GPATCH1: variants seen among roughly 807,000 people sequenced by gnomAD.
GPATCH1 encodes G patch domain-containing protein 1.
In GPATCH1, 73 loss-of-function variants were observed where a neutral mutation model predicts 114.9. The ratio of observed to expected loss-of-function variants is 0.64; its 90% CI spans 0.53 to 0.77. The LOEUF (loss-of-function observed/expected upper bound fraction) is 0.77, where lower values mean the gene tolerates loss of function less well. GPATCH1 is among the 30% of genes least tolerant of loss of function. The pLI is 0.00. For synonymous variants in GPATCH1, 391 were observed against 428.4 expected (o/e 0.91, Z 1.08); for missense variants, 1,058 against 1,144.3 (o/e 0.92, Z 1.09).
chr19:33,093,333 G>A, intron 3 of GPATCH1, 26 bp from the exon 4 acceptor site: 1 of 1,522,654 alleles, frequency 6.6e-7, no homozygotes, highest in Non-Finnish European at 9.1e-7. Flanking sequence ...TCCAAATAAT[G>A]TAATTCTGTT....
intron 1 of GPATCH1, 28 bp downstream of exon 1, chr19:33,081,294 T>C: frequency 6.5e-7 from 1 of 1,539,162 alleles, no homozygotes; most frequent in Non-Finnish European, 8.8e-7. Context: ...CGGCGGAGCC[T>C]GTGGAAAACA....
At chr19:33,107,292 G>C (rs1307119402) in intron 10 of GPATCH1, among the ~76,000 whole-genome samples, 1 of 152,032 alleles carries the variant, frequency 6.6e-6, no homozygotes, top group Non-Finnish European at 1.5e-5. Context: ...TGTTGCCCAG[G>C]CTGGTCTGGA....
intron 14 of GPATCH1, 121 bp downstream of exon 14, chr19:33,114,024 T>G: frequency 2.0e-5 from 18 of 895,786 alleles, no homozygotes; most frequent in Non-Finnish European, 3.1e-5. Flanking sequence ...CTCCCTCCAT[T>G]GAGGGAATTA....
intron 14 of GPATCH1, 68 bp downstream of exon 14, chr19:33,113,971 A>G: frequency 7.0e-7 from 1 of 1,424,466 alleles, no homozygotes; most frequent in Non-Finnish European, 9.7e-7. Flanking sequence ...GGAAGACAGA[A>G]TTAAAGGGTA....
At chr19:33,113,302 C>T (rs143594289) in intron 13 of GPATCH1, 3,070 of 156,310 alleles carry the variant, frequency 0.02, 87 homozygotes, top group African/African-American at 0.07. Context: ...ATTAGCTGGG[C>T]GTGGTGGTGC....
At chr19:33,091,893 G>T (rs149637548) in intron 3 of GPATCH1, among the ~76,000 whole-genome samples, 81 of 152,302 alleles carry the variant, frequency 5.3e-4, no homozygotes, top group African/African-American at 1.9e-3. Context: ...AAGTCTAGAT[G>T]TGCTGAGACC....
rs529454177 is a variant in GPATCH1, at chr19:33,094,703, A to C, written c.553+434A>C. ...GTTTCCTACCCTCCCCCAAGCTGTC[A>C]CAGTTTAACATTATTACTTGTTCCT... On this transcript the variant is annotated intron_variant, in intron 5 of 19. Coordinates refer to ENST00000170564, the MANE Select transcript of GPATCH1 (RefSeq NM_018025.3). 2.6e-4 allele frequency among the ~76,000 whole-genome samples: 39 copies of C among 152,250 alleles called. No homozygotes were observed. In the East Asian group the frequency reaches 7.3e-3, roughly 29 times the overall value.
Position 33,090,784 on chromosome 19 carries a change from G to GAC in GPATCH1, c.216_217dup (p.Pro73HisfsTer34). ...TCTAAACTCTTTTTTTTTCAGGATG[G>GAC]ACACCCTCTACCTTTGTGTCTTCAC... On this transcript the variant is annotated frameshift_variant, in exon 3 of 20. Coordinates refer to ENST00000170564, the MANE Select transcript of GPATCH1 (RefSeq NM_018025.3). LOFTEE classifies it high-confidence loss of function. 1 of 1,606,282 alleles carries GAC rather than the reference G, an allele frequency of 6.2e-7. No homozygotes were observed. Among genetic ancestry groups the GAC allele is most frequent in the Non-Finnish European group, 8.5e-7 (1 of 1,173,756 alleles).
At chr19:33,129,103 C>G (rs1023473797) in intron 19 of GPATCH1, among the ~76,000 whole-genome samples, 23 of 151,934 alleles carry the variant, frequency 1.5e-4, no homozygotes, top group Non-Finnish European at 2.8e-4. Context: ...AAAAACTAGC[C>G]AGGCGTGGTG....
rs1355214485 is a variant in GPATCH1, at chr19:33,112,520, T to A, written c.1799T>A (p.Met600Lys). Residue 600 changes from methionine to lysine, a missense_variant, in exon 13 of 20, where the codon ATG (methionine) becomes AAG (lysine). Physicochemically the swap from Met to Lys is moderately conservative, Grantham distance 95. Coordinates refer to ENST00000170564, the MANE Select transcript of GPATCH1 (RefSeq NM_018025.3). ...GGGGATAAGCAGTCGGCTGTGAAGA[T>A]GAAGATGTTTGGGAAGCTCACCCGA... The part of the protein sequence containing the change: ...DVGDKQSAVK[M>K]KMFGKLTRDT... The A allele has an allele frequency of 1.2e-6, 2 of 1,614,100 alleles. No individual in the cohort carries two copies. The highest frequency in any genetic ancestry group is 1.7e-5 in the Admixed American group (1 of 60,000).
intron 7 of GPATCH1, 47 bp from the exon 8 acceptor site, chr19:33,097,708 A>T: frequency 6.3e-7 from 1 of 1,575,984 alleles, no homozygotes; most frequent in Non-Finnish European, 8.7e-7. Context: ...AAGATCCCAG[A>T]CATACCCTAA....
At position 33,130,127 on chromosome 19, in the gene GPATCH1, C is replaced by T. The variant is rs1008054462; in HGVS notation, c.2766-3C>T. 1.9e-6 allele frequency: 3 copies of T among 1,609,798 alleles called. No individual in the cohort carries two copies. In the Admixed American group the frequency reaches 5.0e-5, roughly 27 times the overall value. ...TTTCTCTCTTTTCTGTTTTCTTTTC[C>T]AGGCTGAAAAGTCTTCCACTAAGAA... On this transcript the variant is annotated splice_polypyrimidine_tract_variant and splice_region_variant and intron_variant, in intron 19 of 19. Coordinates refer to ENST00000170564, the MANE Select transcript of GPATCH1 (RefSeq NM_018025.3).
intron 19 of GPATCH1, among the ~76,000 whole-genome samples, chr19:33,129,404 C>A (rs1402030890): frequency 6.7e-6 from 1 of 149,234 alleles, no homozygotes; most frequent in Non-Finnish European, 1.5e-5. Flanking sequence ...GAGACCCTGT[C>A]TCTATAAAAA....
At chr19:33,109,640 A>T in intron 10 of GPATCH1, 77 bp from the exon 11 acceptor site, 1 of 860,356 alleles carries the variant, frequency 1.2e-6, no homozygotes, top group Non-Finnish European at 1.8e-6. Context: ...TGTGTTATTG[A>T]AATGTATGTA....
chr19:33,088,112 C>CTT (rs35343047), intron 1 of GPATCH1, 22 bp from the exon 2 acceptor site: 1,374 of 1,103,042 alleles, frequency 1.2e-3, no homozygotes, highest in South Asian at 1.8e-3. Flanking sequence ...ATTTAAAAAA[C>CTT]TTTTTTTTTT....
Position 33,121,396 on chromosome 19 carries a change from C to T in GPATCH1, c.2521+2279C>T, listed in dbSNP as rs547731217. Reference sequence around the variant, plus strand: ...GTGCAATGGCGCAATCTCGGCTCACCGCAACCTCCACCTCCTGGGTTCAAG... The same window carrying T: ...GTGCAATGGCGCAATCTCGGCTCACTGCAACCTCCACCTCCTGGGTTCAAG... On this transcript the variant is annotated intron_variant, in intron 17 of 19. Transcript: ENST00000170564. 1.6e-3 allele frequency among the ~76,000 whole-genome samples: 234 copies of T among 150,874 alleles called. 1 individual carries two copies. The highest frequency in any genetic ancestry group is 2.5e-3 in the Non-Finnish European group (167 of 67,762).
intron 10 of GPATCH1, among the ~76,000 whole-genome samples, chr19:33,109,323 C>T (rs1022224811): frequency 6.6e-6 from 1 of 152,130 alleles, no homozygotes; most frequent in Non-Finnish European, 1.5e-5. Context: ...TTGAGACCAA[C>T]CTGGCCGACA....
chr19:33,086,584 G>C (rs1348935346), intron 1 of GPATCH1, among the ~76,000 whole-genome samples: 2 of 151,980 alleles, frequency 1.3e-5, no homozygotes, highest in Non-Finnish European at 2.9e-5. Flanking sequence ...ATCTGCCTCA[G>C]CCTCCCGAGT....
At position 33,088,183 on chromosome 19, in the gene GPATCH1, T is replaced by A; in HGVS notation, c.123T>A (p.Asp41Glu). Residue 41 changes from aspartate (D) to glutamate (E), a missense_variant, in exon 2 of 20, where the codon GAT becomes GAA. This residue lies in a region of GPATCH1 where 131 missense variants were observed against 107.2 expected (regional missense o/e 1.22). Coordinates refer to ENST00000170564, the MANE Select transcript of GPATCH1 (RefSeq NM_018025.3). ...CTCTTCAGGATCAGACTGTCAGAGA[T>A]GAAAAAGGAAGGTATAAACGATTCC... Reference protein sequence around the residue: ...PIPLQDQTVRDEKGRYKRFHG... With the variant: ...PIPLQDQTVREEKGRYKRFHG... 6.3e-7 allele frequency: 1 copy of A among 1,598,864 alleles called. No individual in the cohort carries two copies. Among genetic ancestry groups the A allele is most frequent in the Non-Finnish European group, 8.5e-7 (1 of 1,169,782 alleles).
Sources: allele counts gnomAD v4.1 joint callset (sites outside exome capture counted in the v4.1 genomes callset), GRCh38; gene constraint gnomAD v4.1.1; regional missense constraint gnomAD v4.1.1; transcripts MANE v1.5; gene names NCBI Gene and HGNC (gene_info 2026-07-23, HGNC 2026-07-21).